ATP8A1: variants seen among roughly 807,000 people sequenced by gnomAD.
ATP8A1 encodes the protein ATPase phospholipid transporting 8A1, also known as phospholipid-transporting ATPase IA.
In ATP8A1, 90 loss-of-function variants were observed where a neutral mutation model predicts 177.7. That is an observed-to-expected ratio of 0.51 (90% CI 0.43 to 0.60). The LOEUF (loss-of-function observed/expected upper bound fraction) is 0.60, where lower values mean the gene tolerates loss of function less well. Among genes scored for constraint, ATP8A1 ranks in the 20% least tolerant of loss-of-function variants. The pLI is 0.00. For synonymous variants in ATP8A1, 493 were observed against 485.9 expected, an observed-to-expected ratio of 1.01 and a Z score of -0.19; for missense variants, 1,072 against 1,392.8, an observed-to-expected ratio of 0.77 and a Z score of 3.67.
At chr4:42,520,398 T>TA (rs780494418) in intron 22 of ATP8A1, among the ~76,000 whole-genome samples, 14 of 152,084 alleles carry the variant, frequency 9.2e-5, no homozygotes, top group Non-Finnish European at 1.8e-4. Context: ...AAGCAAAGAT[T>TA]AAAAATCAAT....
At chr4:42,535,098 GA>G (rs1026452132) in intron 20 of ATP8A1, among the ~76,000 whole-genome samples, 12 of 149,068 alleles carry the variant, frequency 8.1e-5, no homozygotes, top group South Asian at 4.2e-4. Flanking sequence ...ATAACACAAT[GA>G]AAAAAAAAGG....
intron 24 of ATP8A1, among the ~76,000 whole-genome samples, chr4:42,498,546 G>A (rs552512266): frequency 6.6e-6 from 1 of 152,182 alleles, no homozygotes; most frequent in East Asian, 1.9e-4. Flanking sequence ...GTGAAACACT[G>A]GTATCCATAA....
At chr4:42,506,970 C>G (rs1724425029) in intron 23 of ATP8A1, 46 bp downstream of exon 23, 2 of 1,596,892 alleles carry the variant, frequency 1.3e-6, no homozygotes, top group East Asian at 4.5e-5. Flanking sequence ...ACTACATTAA[C>G]TTATTAAAAA....
chr4:42,497,058 A>G (rs1248927018), intron 24 of ATP8A1, among the ~76,000 whole-genome samples: 3 of 152,228 alleles, frequency 2.0e-5, no homozygotes, highest in African/African-American at 4.8e-5. Context: ...AAACAAGTTA[A>G]TAAGTTTGGG....
intron 15 of ATP8A1, among the ~76,000 whole-genome samples, chr4:42,557,807 C>G (rs1317321921): frequency 1.3e-5 from 2 of 152,140 alleles, no homozygotes; most frequent in African/African-American, 4.8e-5. Context: ...CTTTGGGAGG[C>G]TGAGGTGAAC....
intron 24 of ATP8A1, among the ~76,000 whole-genome samples, chr4:42,495,249 T>C (rs1723145217): frequency 6.6e-6 from 1 of 152,246 alleles, no homozygotes; most frequent in Admixed American, 6.5e-5. Flanking sequence ...TTCTTAATAA[T>C]ACATTATGAC....
rs549979103 is a variant in ATP8A1, at chr4:42,635,387, G to A, written c.50-8278C>T. 7.9e-5 allele frequency among the ~76,000 whole-genome samples: 12 copies of A among 152,116 alleles called. No homozygotes were observed. The South Asian group carries it at 2.5e-3, about 32-fold the overall frequency. On this transcript the variant is annotated intron_variant, in intron 1 of 36. Transcript: ENST00000381668. Reference sequence around the variant, plus strand: ...ATTTCCTAAACATATTTAGGAGAGTGCAATTATATAACCTTTCACTCAATG... The same window carrying A: ...ATTTCCTAAACATATTTAGGAGAGTACAATTATATAACCTTTCACTCAATG...
intron 19 of ATP8A1, 104 bp downstream of exon 19, chr4:42,548,909 A>T (rs1344128539): frequency 2.3e-6 from 2 of 868,498 alleles, no homozygotes; most frequent in Non-Finnish European, 3.5e-6. Context: ...AAACAAATTT[A>T]GTTAAATAAA....
intron 4 of ATP8A1, among the ~76,000 whole-genome samples, chr4:42,623,887 TGAA>T (rs1737767879): frequency 6.6e-6 from 1 of 152,008 alleles, no homozygotes; most frequent in Non-Finnish European, 1.5e-5. Flanking sequence ...TATATATATA[TGAA>T]GTAGTTTAAA....
intron 16 of ATP8A1, 70 bp downstream of exon 16, chr4:42,555,898 A>G (rs1294434397): frequency 2.0e-6 from 2 of 996,906 alleles, no homozygotes; most frequent in Non-Finnish European, 3.0e-6. Context: ...GTAAACATAG[A>G]AGATAGTTCA....
chr4:42,444,734 T>C (rs1472778895), intron 31 of ATP8A1, 100 bp from the exon 32 acceptor site: 1 of 1,210,222 alleles, frequency 8.3e-7, no homozygotes, highest in South Asian at 1.3e-5. Flanking sequence ...AATGTAACTA[T>C]GGGACTAGGA....
intron 14 of ATP8A1, among the ~76,000 whole-genome samples, chr4:42,572,959 G>T (rs999225966): frequency 3.3e-5 from 5 of 152,144 alleles, no homozygotes; most frequent in African/African-American, 1.2e-4. Context: ...TAATCTCAAT[G>T]ATGACAATAC....
Position 42,544,017 on chromosome 4 carries a change from A to C in ATP8A1, c.1653-31T>G, listed in dbSNP as rs771951343. On this transcript the variant is annotated intron_variant, in intron 19 of 36. Transcript: ENST00000381668. ...AGAAAGAGGTTTTGCATAATGTGTCATCATACCAAGGATATGCATGTATGT... is the reference window on the plus strand; with the variant it reads ...AGAAAGAGGTTTTGCATAATGTGTCCTCATACCAAGGATATGCATGTATGT... 1.9e-6 allele frequency: 3 copies of C among 1,571,218 alleles called. No individual in the cohort carries two copies. The Admixed American group carries it at 5.1e-5, about 27-fold the overall frequency.
At chr4:42,591,539 A>G (rs1347435920) in intron 6 of ATP8A1, among the ~76,000 whole-genome samples, 1 of 152,162 alleles carries the variant, frequency 6.6e-6, no homozygotes, top group Admixed American at 6.5e-5. Context: ...TTAGCAATTA[A>G]TGAAGTCTAG....
intron 33 of ATP8A1, among the ~76,000 whole-genome samples, chr4:42,441,355 T>C (rs967878994): frequency 1.3e-5 from 2 of 151,938 alleles, no homozygotes; most frequent in Admixed American, 6.6e-5. Flanking sequence ...TGTATGTATA[T>C]ATATGTATAT....
chr4:42,532,183 G>A (rs765141857), intron 20 of ATP8A1, among the ~76,000 whole-genome samples: 2 of 151,816 alleles, frequency 1.3e-5, no homozygotes, highest in Non-Finnish European at 2.9e-5. Context: ...AACCAAGGAG[G>A]TGAAAGATCT....
chr4:42,512,740 G>A (rs1221327618), intron 22 of ATP8A1, among the ~76,000 whole-genome samples: 2 of 152,088 alleles, frequency 1.3e-5, no homozygotes, highest in African/African-American at 4.8e-5. Flanking sequence ...CACCCGAGGA[G>A]CTTATTAACA....
intron 30 of ATP8A1, among the ~76,000 whole-genome samples, chr4:42,450,415 T>C (rs1420641082): frequency 6.6e-6 from 1 of 152,196 alleles, no homozygotes; most frequent in Non-Finnish European, 1.5e-5. Flanking sequence ...ATCTGCATAA[T>C]TCAGTGAATA....
intron 15 of ATP8A1, among the ~76,000 whole-genome samples, chr4:42,558,801 A>G (rs1730515427): frequency 1.3e-5 from 2 of 152,242 alleles, no homozygotes; most frequent in Non-Finnish European, 2.9e-5. Flanking sequence ...GAATGGAAAA[A>G]GCTTAGGTAT....
Sources: gnomAD v4.1 joint callset for allele counts (sites outside exome capture counted in the v4.1 genomes callset) on GRCh38, gnomAD v4.1.1 for gene constraint, MANE v1.5 for transcripts, NCBI Gene and HGNC (gene_info 2026-07-23, HGNC 2026-07-21) for gene names.